MZT2A: variants seen among roughly 807,000 people sequenced by gnomAD.
MZT2A encodes the protein mitotic-spindle organizing protein 2A.
In MZT2A, 8 loss-of-function variants were observed where a neutral mutation model predicts 12.4. The observed-to-expected ratio is 0.64, with a 90% confidence interval of 0.38 to 1.16. The LOEUF (loss-of-function observed/expected upper bound fraction) is 1.16. Among genes scored for constraint, MZT2A ranks in the 50% most tolerant of loss-of-function variants. The pLI is 0.01. For missense variants in MZT2A, 181 were observed against 223.6 expected (o/e 0.81, Z 1.22); for synonymous variants, 88 against 107.5 (o/e 0.82, Z 1.12).
At chr2:131,479,225 G>GT (rs1313166115), downstream of MZT2A, 1 of 1,546,822 alleles carries the variant, frequency 6.5e-7, no homozygotes, top group African/African-American at 1.4e-5. Flanking sequence ...CATGTGCTCT[G>GT]TAGAAGTGAA....
chr2:131,477,991 A>T (rs1678731301), intron 2 of MZT2A, among the ~76,000 whole-genome samples: 1 of 152,194 alleles, frequency 6.6e-6, no homozygotes, highest in Non-Finnish European at 1.5e-5. Flanking sequence ...GTTTACAGCA[A>T]TTAGTTTTCA....
intron 2 of MZT2A, among the ~76,000 whole-genome samples, chr2:131,488,782 GCTTT>G (rs1415377389): frequency 6.6e-6 from 1 of 152,070 alleles, no homozygotes; most frequent in Non-Finnish European, 1.5e-5. Flanking sequence ...TCATGTCGTG[GCTTT>G]CTGCCACCCA....
At position 131,492,251 on chromosome 2, in the gene MZT2A, C is replaced by A; in HGVS notation, c.126G>T (p.Glu42Asp). Residue 42 changes from glutamate (E) to aspartate (D), a missense_variant, in exon 1 of 3, where the codon GAG (glutamate) becomes GAT (aspartate). Physicochemically the swap from Glu to Asp is conservative, Grantham distance 45. This residue lies in a region of MZT2A where 106 missense variants were observed against 127.2 expected (regional missense o/e 0.83). Transcript: ENST00000309451. ...VLSTEEMELY[E>D]LAQAAGGGID... ...TACCGCCGCCCGCCGCCTGAGCCAGCTCGTACAGCTCCATCTCCTCGGTGC... is the reference window on the plus strand; with the variant it reads ...TACCGCCGCCCGCCGCCTGAGCCAGATCGTACAGCTCCATCTCCTCGGTGC... 5.7e-6 allele frequency: 9 copies of A among 1,585,692 alleles called. No individual in the cohort carries two copies. The highest frequency in any genetic ancestry group is 7.7e-6 in the Non-Finnish European group (9 of 1,172,712).
At chr2:131,472,800 G>A (rs186917923) in intron 2 of MZT2A, among the ~76,000 whole-genome samples, 38 of 152,264 alleles carry the variant, frequency 2.5e-4, no homozygotes, top group Non-Finnish European at 5.1e-4. Context: ...TATCCCAGCC[G>A]CTGAAGGACG....
chr2:131,475,532 T>C (rs938588198), intron 2 of MZT2A, among the ~76,000 whole-genome samples: 6 of 152,020 alleles, frequency 3.9e-5, no homozygotes, highest in African/African-American at 1.4e-4. Flanking sequence ...TTTCACCATA[T>C]TGGCCAGGCT....
At chr2:131,490,280 G>A (rs1679234789) in intron 2 of MZT2A, 2 of 1,005,264 alleles carry the variant, frequency 2.0e-6, no homozygotes, top group South Asian at 2.9e-5. Flanking sequence ...GTGTGGCACT[G>A]CCTGGCAGAC....
chr2:131,479,508 C>T, downstream of MZT2A: 2 of 1,600,314 alleles, frequency 1.2e-6, no homozygotes, highest in South Asian at 2.2e-5. Flanking sequence ...AGGGGTAGTT[C>T]TTGGAATGTG....
rs868794832 is a variant in MZT2A, at chr2:131,487,476, A to G, written c.320-3258T>C. Among the ~76,000 whole-genome samples, 128 of 152,350 alleles carry G rather than the reference A, an allele frequency of 8.4e-4. 1 individual carries two copies. Among genetic ancestry groups the G allele is most frequent in the African/African-American group, 3.0e-3 (123 of 41,586 alleles). ...CTGGGTGACAGAGCAAGACTGTCTC[A>G]AAAATAAATAAATAAATAAAAAGTA... On this transcript the variant is annotated intron_variant, in intron 2 of 2. Transcript: ENST00000309451.
chr2:131,475,319 C>CTTT (rs551443616), intron 2 of MZT2A, among the ~76,000 whole-genome samples: 9,891 of 94,398 alleles, frequency 0.1, 1,677 homozygotes, highest in East Asian at 0.62. Flanking sequence ...TCCTTTCTTC[C>CTTT]TTTTTTTTTT....
chr2:131,490,448 A>C, intron 2 of MZT2A: 1 of 1,334,220 alleles, frequency 7.5e-7, no homozygotes, highest in Middle Eastern at 2.9e-4. Flanking sequence ...GGGGCTCTTT[A>C]CACTCACCAC....
At chr2:131,480,176 C>T (rs562344674), downstream of MZT2A, 31 of 1,613,870 alleles carry the variant, frequency 1.9e-5, no homozygotes, top group East Asian at 2.7e-4. Context: ...CAGTGGATTA[C>T]GGCAAGAAGT....
chr2:131,485,332 C>A (rs1356084063), intron 2 of MZT2A, among the ~76,000 whole-genome samples: 1 of 152,196 alleles, frequency 6.6e-6, no homozygotes, highest in Non-Finnish European at 1.5e-5. Context: ...TGTTCCCAGA[C>A]ACTGATACAC....
intron 2 of MZT2A, chr2:131,490,272 G>A: frequency 1.0e-6 from 1 of 993,156 alleles, no homozygotes; most frequent in Non-Finnish European, 1.2e-6. Flanking sequence ...TGGCATCTGT[G>A]TGGCACTGCC....
upstream of MZT2A, chr2:131,492,822 G>A (rs2313967): frequency 4.8e-6 from 7 of 1,446,420 alleles, no homozygotes; most frequent in Admixed American, 8.4e-5. Context: ...CTGCTTACGC[G>A]CACGCGCATT....
chr2:131,482,837 G>A (rs751253226), downstream of MZT2A: 5 of 1,613,036 alleles, frequency 3.1e-6, no homozygotes, highest in South Asian at 1.1e-5. Flanking sequence ...TGAAGAAGGC[G>A]AAGAATACTG....
downstream of MZT2A, chr2:131,480,224 C>G (rs745448283): frequency 1.2e-6 from 2 of 1,614,030 alleles, no homozygotes; most frequent in Non-Finnish European, 1.7e-6. Context: ...CCCCCCAGGT[C>G]TCCACAGCCG....
downstream of MZT2A, chr2:131,482,610 A>T: frequency 1.2e-6 from 2 of 1,614,128 alleles, no homozygotes; most frequent in African/African-American, 2.7e-5. Flanking sequence ...GCCAAGGTGC[A>T]GCGGGCCGTG....
intron 2 of MZT2A, among the ~76,000 whole-genome samples, chr2:131,487,405 G>A (rs1394908201): frequency 1.3e-5 from 2 of 152,160 alleles, no homozygotes; most frequent in Admixed American, 6.5e-5. Context: ...CTGAGCCCAC[G>A]AGGTTGAGGC....
intron 2 of MZT2A, chr2:131,491,574 T>C (rs1212352586): frequency 5.7e-6 from 3 of 529,274 alleles, no homozygotes; most frequent in Non-Finnish European, 1.0e-5. Context: ...ACCGTCTTGA[T>C]TCCCGACTTT....
Sources: allele counts gnomAD v4.1 joint callset (sites outside exome capture counted in the v4.1 genomes callset), GRCh38; gene constraint gnomAD v4.1.1; regional missense constraint gnomAD v4.1.1; transcripts MANE v1.5; gene names NCBI Gene and HGNC (gene_info 2026-07-23, HGNC 2026-07-21).